Variants in DGKH observed in about 807,000 individuals in gnomAD.
DGKH encodes diacylglycerol kinase eta.
DGKH carries 90 observed loss-of-function variants against 159.3 expected under a neutral mutation model. The ratio of observed to expected loss-of-function variants is 0.57; its 90% CI spans 0.48 to 0.67. The LOEUF (loss-of-function observed/expected upper bound fraction) is 0.67, where lower values mean the gene tolerates loss of function less well. Among genes scored for constraint, DGKH ranks in the 30% least tolerant of loss-of-function variants. The pLI is 0.00. For missense variants in DGKH, 1,181 were observed against 1,506.1 expected, an observed-to-expected ratio of 0.78 and a Z score of 3.57; for synonymous variants, 536 against 553.8, an observed-to-expected ratio of 0.97 and a Z score of 0.45.
At chr13:42,225,501 G>A (rs1475396778) in intron 29 of DGKH, among the ~76,000 whole-genome samples, 1 of 152,026 alleles carries the variant, frequency 6.6e-6, no homozygotes, top group African/African-American at 2.4e-5. Context: ...CTGGCCAGGC[G>A]AGGTGGCTTA....
At chr13:42,249,855 G>A (rs905066522) in intron 29 of DGKH, among the ~76,000 whole-genome samples, 1 of 152,148 alleles carries the variant, frequency 6.6e-6, no homozygotes, top group South Asian at 2.1e-4. Flanking sequence ...CTTGGGAAGG[G>A]GTTTGGGACA....
Position 42,051,814 on chromosome 13 carries a change from C to T in DGKH, c.192+2849C>T, listed in dbSNP as rs947369567. Among the ~76,000 whole-genome samples the T allele has an allele frequency of 5.3e-5, 8 of 152,020 alleles. No homozygotes were observed. In the East Asian group the frequency reaches 5.8e-4, roughly 11 times the overall value. On this transcript the variant is annotated intron_variant, in intron 1 of 29. Transcript: ENST00000337343. Reference sequence around the variant, plus strand: ...CCGAGTAGCTGGGATTACAGGCATGCGCCACCACACCCAGCTAATTTTTTA... The same window carrying T: ...CCGAGTAGCTGGGATTACAGGCATGTGCCACCACACCCAGCTAATTTTTTA...
intron 1 of DGKH, among the ~76,000 whole-genome samples, chr13:42,066,889 C>T (rs4398011): frequency 0.93 from 141,510 of 152,208 alleles, 66,190 homozygotes; most frequent in East Asian, 1. Context: ...GCTATAGTGC[C>T]GTTGGCCCTG....
chr13:42,127,566 A>G lies in DGKH; in HGVS notation c.296A>G (p.Asp99Gly). Residue 99 changes from aspartate to glycine, a missense_variant, in exon 2 of 30, where the codon GAC becomes GGC. Around this residue, in one of 5 missense-constraint regions of DGKH, gnomAD observed 369 missense variants for 519.4 expected, o/e 0.71. Transcript: ENST00000337343. Reference protein sequence around the residue: ...LRGRTLYYAKDSKSLIFDEVD... With the variant: ...LRGRTLYYAKGSKSLIFDEVD... ...GGCCGCACCCTTTACTATGCAAAGG[A>G]CTCAAAGGTAACTCACGAGAATACT... 1 of 1,612,914 alleles carries G rather than the reference A, an allele frequency of 6.2e-7. No individual in the cohort carries two copies. Among genetic ancestry groups the G allele is most frequent in the Non-Finnish European group, 8.5e-7 (1 of 1,179,170 alleles).
intron 1 of DGKH, among the ~76,000 whole-genome samples, chr13:42,089,987 G>A (rs2148005): frequency 0.15 from 23,202 of 152,016 alleles, 1,926 homozygotes; most frequent in Admixed American, 0.23. Flanking sequence ...ATATTTGGAA[G>A]CCAAATAATG....
Position 42,229,832 on chromosome 13 carries a change from T to C in DGKH, c.*644T>C, listed in dbSNP as rs1958242944. 1 of 152,344 alleles carries C rather than the reference T, an allele frequency of 6.6e-6. No individual in the cohort carries two copies. Among genetic ancestry groups the C allele is most frequent in the African/African-American group, 2.4e-5 (1 of 41,444 alleles). 9.4% of individuals were successfully genotyped at this position (152,344 alleles called of 1,614,324 possible). The stretch of plus-strand genomic sequence containing the variant: ...ACACTTTAAATAGCTTTCATGTCAG[T>C]TTTAATGTTAATGGGATTTAATTTA... On this transcript the variant is annotated 3_prime_UTR_variant, in exon 30 of 30. Transcript: ENST00000337343.
intron 1 of DGKH, among the ~76,000 whole-genome samples, chr13:42,089,181 C>A (rs145312782): frequency 2.6e-5 from 4 of 152,072 alleles, no homozygotes; most frequent in Non-Finnish European, 5.9e-5. Context: ...AATTTCAGCA[C>A]CCTTTTTCAA....
chr13:42,168,292 C>T (rs576635198), intron 9 of DGKH, 148 bp from the exon 10 acceptor site: 2 of 604,992 alleles, frequency 3.3e-6, no homozygotes, highest in South Asian at 6.1e-5. Flanking sequence ...GTTAAAATTA[C>T]ACTTCAGTGA....
intron 16 of DGKH, 117 bp from the exon 17 acceptor site, chr13:42,194,768 A>G: frequency 1.6e-6 from 2 of 1,218,480 alleles, no homozygotes; most frequent in Non-Finnish European, 2.2e-6. Context: ...GCTATGCATA[A>G]TATTTTCATT....
chr13:42,064,643 C>T (rs1882428472), intron 1 of DGKH, among the ~76,000 whole-genome samples: 1 of 152,030 alleles, frequency 6.6e-6, no homozygotes, highest in South Asian at 2.1e-4. Flanking sequence ...AAGAATTAAA[C>T]TTTAATCATT....
chr13:42,252,638 T>C (rs919492011), intron 30 of DGKH, among the ~76,000 whole-genome samples: 3 of 152,142 alleles, frequency 2.0e-5, no homozygotes, highest in African/African-American at 4.8e-5. Flanking sequence ...GGCTTGAAGG[T>C]AAGCTCCCCA....
chr13:42,146,513 T>A (rs957201963), intron 3 of DGKH, among the ~76,000 whole-genome samples: 10 of 152,182 alleles, frequency 6.6e-5, no homozygotes, highest in African/African-American at 2.4e-4. Context: ...ACAACCCAAA[T>A]GCACAAGTTA....
intron 20 of DGKH, among the ~76,000 whole-genome samples, chr13:42,201,251 A>C (rs189342734): frequency 6.6e-6 from 1 of 152,256 alleles, no homozygotes; most frequent in African/African-American, 2.4e-5. Flanking sequence ...TCGGCCTTCC[A>C]AAGTGCTGGG....
intron 5 of DGKH, 126 bp downstream of exon 5, chr13:42,155,925 C>T: frequency 1.8e-6 from 2 of 1,102,984 alleles, no homozygotes; most frequent in East Asian, 5.2e-5. Context: ...AATATTTTTG[C>T]TCAGGAAAAA....
intron 1 of DGKH, among the ~76,000 whole-genome samples, chr13:42,097,542 T>C (rs1244507242): frequency 6.6e-6 from 1 of 152,182 alleles, no homozygotes; most frequent in East Asian, 1.9e-4. Context: ...CAGTGGAAAG[T>C]TGTAGCCCCA....
intron 1 of DGKH, among the ~76,000 whole-genome samples, chr13:42,093,010 GA>G (rs1177621317): frequency 6.6e-6 from 1 of 152,070 alleles, no homozygotes; most frequent in Non-Finnish European, 1.5e-5. Flanking sequence ...TTGGGAGGCC[GA>G]GGTGGGCAGA....
At chr13:42,184,198 A>G (rs1956848645) in intron 13 of DGKH, among the ~76,000 whole-genome samples, 2 of 152,204 alleles carry the variant, frequency 1.3e-5, no homozygotes, top group South Asian at 4.1e-4. Flanking sequence ...AATCATCTTC[A>G]GTTTCAAATT....
intron 11 of DGKH, among the ~76,000 whole-genome samples, chr13:42,170,126 A>G (rs1956410027): frequency 6.6e-6 from 1 of 152,208 alleles, no homozygotes; most frequent in South Asian, 2.1e-4. Flanking sequence ...ACAACTGTCC[A>G]ATTCTGTGGT....
intron 1 of DGKH, among the ~76,000 whole-genome samples, chr13:42,102,825 A>C (rs890639386): frequency 2.0e-5 from 3 of 152,254 alleles, no homozygotes; most frequent in African/African-American, 7.2e-5. Context: ...CATTCAGGAC[A>C]AGAAATGAAT....
Sources: gnomAD v4.1 joint callset for allele counts (sites outside exome capture counted in the v4.1 genomes callset) on GRCh38, gnomAD v4.1.1 for gene constraint, gnomAD v4.1.1 regional missense constraint, MANE v1.5 for transcripts, NCBI Gene and HGNC (gene_info 2026-07-23, HGNC 2026-07-21) for gene names.